SLC4A3: variants seen among roughly 807,000 people sequenced by gnomAD.
SLC4A3 encodes solute carrier family 4 member 3, also known as anion exchange protein 3.
A neutral mutation model predicts 114.2 loss-of-function variants in SLC4A3; 47 were observed. The ratio of observed to expected loss-of-function variants is 0.41; its 90% CI spans 0.33 to 0.52. The LOEUF is 0.52. Among genes scored for constraint, SLC4A3 ranks in the 20% least tolerant of loss-of-function variants. SLC4A3 has a pLI of 0.21. For synonymous variants in SLC4A3, 693 were observed against 710.3 expected (o/e 0.98, Z 0.39); for missense variants, 1,312 against 1,668.3 (o/e 0.79, Z 3.72).
At position 219,628,383 on chromosome 2, in the gene SLC4A3, C is replaced by A; in HGVS notation, c.52-22C>A. 6.3e-7 allele frequency: 1 copy of A among 1,595,490 alleles called. No individual in the cohort carries two copies. Among genetic ancestry groups the A allele is most frequent in the Non-Finnish European group, 8.5e-7 (1 of 1,172,462 alleles). ...GCCTTCATGGGTCAGGGGTCCTTAG[C>A]AGAGGCCGTCTGGGCCTGCAGGTCC... On this transcript the variant is annotated intron_variant, in intron 2 of 22. Transcript: ENST00000358055. The surrounding 1 kb of genome is among the most constrained non-coding windows in gnomAD (Gnocchi z 4.8).
In SLC4A3 at chr2:219,636,782, C is replaced by T; in HGVS notation, c.2443C>T (p.Leu815=). 6.2e-7 allele frequency: 1 copy of T among 1,614,118 alleles called. No homozygotes were observed. Among genetic ancestry groups the T allele is most frequent in the Non-Finnish European group, 8.5e-7 (1 of 1,179,980 alleles). The stretch of plus-strand genomic sequence containing the variant: ...CCTGGTGGCCGCCGAAGGCAGCTTC[C>T]TGGTCCGCTACATCTCGCCTTTCAC... The part of the protein sequence containing the change: ...LALVAAEGSF[L]VRYISPFTQE... The change falls in exon 16 of 23, where the codon CTG becomes TTG. Residue 815 remains leucine, a synonymous_variant. Transcript: ENST00000358055. This position sits in a 1 kb window ranked among gnomAD's most constrained non-coding sequence, Gnocchi z 5.5.
At position 219,641,076 on chromosome 2, in the gene SLC4A3, G is replaced by GCAACA; in HGVS notation, c.3621+117_3621+118insCACAA. On this transcript the variant is annotated intron_variant, in intron 22 of 22. Coordinates refer to ENST00000358055, the MANE Select transcript of SLC4A3 (RefSeq NM_005070.4). The surrounding 1 kb of genome is among the most constrained non-coding windows in gnomAD (Gnocchi z 4.0). ...TTGTGAAACTTGTGTAACTTGTGTT[G>GCAACA]CAAGTTATCTCACCTTCCGAAATCT... is the stretch of plus-strand genomic sequence containing the variant. 3.0e-6 allele frequency: 3 copies of GCAACA among 997,282 alleles called. No individual in the cohort carries two copies. Among genetic ancestry groups the GCAACA allele is most frequent in the Non-Finnish European group, 3.0e-6 (2 of 675,850 alleles). The allele number at this position is 997,282 out of a possible 1,614,324, so 61.8% of individuals were successfully genotyped here.
rs1267510154 is a variant in SLC4A3, at chr2:219,628,829, C to T, written c.217+259C>T. 3.4e-6 allele frequency: 2 copies of T among 586,970 alleles called. No homozygotes were observed. Among genetic ancestry groups the T allele is most frequent in the Non-Finnish European group, 5.9e-6 (2 of 336,758 alleles). The allele number at this position is 586,970 out of a possible 1,614,324, so 36.4% of individuals were successfully genotyped here. On this transcript the variant is annotated intron_variant, in intron 3 of 22. Transcript: ENST00000358055. This position sits in a 1 kb window ranked among gnomAD's most constrained non-coding sequence, Gnocchi z 4.8. ...CTGGGCCCTTCCACGGTGACCTTCC[C>T]CTTCCCCTTCGTCCCCACTCACTCC... is the stretch of plus-strand genomic sequence containing the variant.
In SLC4A3 at chr2:219,628,182, G is replaced by A; in HGVS notation, c.51+139G>A. 1 of 821,830 alleles carries A rather than the reference G, an allele frequency of 1.2e-6. No individual in the cohort carries two copies. Among genetic ancestry groups the A allele is most frequent in the Admixed American group, 3.0e-5 (1 of 32,858 alleles). The allele number at this position is 821,830 out of a possible 1,614,324, so 50.9% of individuals were successfully genotyped here. A position where few individuals can be genotyped will look rare whatever the true frequency, so the allele number is the denominator to read the frequency against. ...CTGGGCTGGGGGTTACGGAGAAAGA[G>A]GGGGGTTTTTGATATTTTCCAGATC... On this transcript the variant is annotated intron_variant, in intron 2 of 22. Transcript: ENST00000358055. The surrounding 1 kb of genome is among the most constrained non-coding windows in gnomAD (Gnocchi z 4.8).
At position 219,640,852 on chromosome 2, in the gene SLC4A3, G is replaced by T. The variant is rs765593565; in HGVS notation, c.3511G>T (p.Val1171Leu). ...IQLGCIALLW[V>L]VKSTAASLAF... ...GCTGGGCTGCATCGCACTGCTCTGG[G>T]TGGTCAAGTCCACGGCGGCCTCACT... The change falls in exon 22 of 23, where the codon GTG becomes TTG. Residue 1171 changes from valine (V) to leucine (L), a missense_variant. By Grantham distance (32) the Val-to-Leu change is conservative (BLOSUM62 1). Around this residue, in one of 4 missense-constraint regions of SLC4A3, gnomAD observed 301 missense variants for 460.7 expected, o/e 0.65. Coordinates refer to ENST00000358055, the MANE Select transcript of SLC4A3 (RefSeq NM_005070.4). 6.2e-7 allele frequency: 1 copy of T among 1,612,674 alleles called. No homozygotes were observed. Among genetic ancestry groups the T allele is most frequent in the South Asian group, 1.1e-5 (1 of 91,054 alleles).
In SLC4A3 at chr2:219,630,163, C is replaced by CCCCGGG. The variant is rs756617423; in HGVS notation, c.631_636dup (p.Arg211_Ala212dup). ...GTGTTGCCTCCCCAGCTCCCCCAGC[C>CCCCGGG]CCCGGGCCCGGGCCTCCCGACTCGC... On this transcript the variant is annotated inframe_insertion, in exon 6 of 23. Transcript: ENST00000358055. This position sits in a 1 kb window ranked among gnomAD's most constrained non-coding sequence, Gnocchi z 6.9. The CCCCGGG allele has an allele frequency of 2.5e-6, 4 of 1,612,670 alleles. No homozygotes were observed. Among genetic ancestry groups the CCCCGGG allele is most frequent in the Non-Finnish European group, 3.4e-6 (4 of 1,179,524 alleles).
In SLC4A3 at chr2:219,633,870, G is replaced by T; in HGVS notation, c.1462-10G>T. 6.4e-7 allele frequency: 1 copy of T among 1,553,894 alleles called. No individual in the cohort carries two copies. The highest frequency in any genetic ancestry group is 2.4e-5 in the East Asian group (1 of 41,230). On this transcript the variant is annotated splice_polypyrimidine_tract_variant and intron_variant, in intron 10 of 22. Coordinates refer to ENST00000358055, the MANE Select transcript of SLC4A3 (RefSeq NM_005070.4). The stretch of plus-strand genomic sequence containing the variant: ...TGGGTCCCAGCCCTATTCCAGTTCT[G>T]CGTCCTCAGAAGCCCCTCCACATGC...
chr2:219,629,766 C>T, intron 5 of SLC4A3, 71 bp downstream of exon 5: 1 of 1,059,876 alleles, frequency 9.4e-7, no homozygotes, highest in Non-Finnish European at 1.4e-6. Flanking sequence ...TGGCAGTCAC[C>T]TCCTTCCTGA....
In SLC4A3 at chr2:219,633,411, TG is replaced by T; in HGVS notation, c.1420del (p.Glu474SerfsTer30). On this transcript the variant is annotated frameshift_variant, in exon 10 of 23. Coordinates refer to ENST00000358055, the MANE Select transcript of SLC4A3 (RefSeq NM_005070.4). LOFTEE classifies it high-confidence loss of function. Reference protein sequence around the residue: ...DGAVPTMADDLGEPAPLWPHD... With the variant: ...DGAVPTMADDXGEPAPLWPHD... ...GCGGTGCCTACCATGGCTGATGACC[TG>T]GGGGAGCCAGCCCCACTCTGGCCAC... The T allele has an allele frequency of 6.3e-7, 1 of 1,575,252 alleles. No individual in the cohort carries two copies.
At position 219,634,530 on chromosome 2, in the gene SLC4A3, A is replaced by G; in HGVS notation, c.1672A>G (p.Met558Val). Residue 558 changes from methionine (M) to valine (V), a missense_variant, in exon 12 of 23, where the codon ATG becomes GTG. Physicochemically the swap from Met to Val is conservative, Grantham distance 21 (BLOSUM62 1). Coordinates refer to ENST00000358055, the MANE Select transcript of SLC4A3 (RefSeq NM_005070.4). ...VPVPVRFLFV[M>V]LGPSHTSTDY... ...TGTCCCGGTCCGCTTCCTCTTCGTG[A>G]TGCTGGGGCCCAGCCACACCAGCAC... The G allele has an allele frequency of 6.2e-7, 1 of 1,614,150 alleles. No homozygotes were observed. The highest frequency in any genetic ancestry group is 8.5e-7 in the Non-Finnish European group (1 of 1,180,042).
Position 219,637,447 on chromosome 2 carries a change from G to C in SLC4A3, c.2536-134G>C. On this transcript the variant is annotated intron_variant, in intron 16 of 22. Coordinates refer to ENST00000358055, the MANE Select transcript of SLC4A3 (RefSeq NM_005070.4). This position sits in a 1 kb window ranked among gnomAD's most constrained non-coding sequence, Gnocchi z 4.6. ...TTCTGTGTGTTGTGTGTGTGGTGCA[G>C]CTGGATGTCCGTGCATTACTGTTGT... The C allele has an allele frequency of 1.7e-6, 1 of 603,732 alleles. No homozygotes were observed. Among genetic ancestry groups the C allele is most frequent in the Non-Finnish European group, 3.0e-6 (1 of 333,704 alleles). The allele number at this position is 603,732 out of a possible 1,614,324, so 37.4% of individuals were successfully genotyped here.
intron 1 of SLC4A3, 57 bp from the exon 2 acceptor site, chr2:219,627,843 C>T: frequency 4.9e-6 from 3 of 609,960 alleles, no homozygotes; most frequent in South Asian, 4.2e-5. Flanking sequence ...AGCGTGCATC[C>T]GGCTCCCGGG....
chr2:219,633,418 GC>G lies in SLC4A3; in HGVS notation c.1424del (p.Pro475GlnfsTer29). 1 of 1,573,512 alleles carries G rather than the reference GC, an allele frequency of 6.4e-7. No individual in the cohort carries two copies. On this transcript the variant is annotated frameshift_variant, in exon 10 of 23. Transcript: ENST00000358055. LOFTEE classifies it high-confidence loss of function. The stretch of plus-strand genomic sequence containing the variant: ...CTACCATGGCTGATGACCTGGGGGA[GC>G]CAGCCCCACTCTGGCCACATGACCC... ...VPTMADDLGE[P>X]APLWPHDPDA...
chr2:219,636,168 A>G lies in SLC4A3; in HGVS notation c.2192-134A>G. ...GGGGAGGGTTTGGGAGCAATGGGGT[A>G]TGGAAGGGGCCCTGTGTGTCACTCT... On this transcript the variant is annotated intron_variant, in intron 14 of 22. Transcript: ENST00000358055. The surrounding 1 kb of genome is among the most constrained non-coding windows in gnomAD (Gnocchi z 5.5). 1 of 1,009,324 alleles carries G rather than the reference A, an allele frequency of 9.9e-7. No individual in the cohort carries two copies. Among genetic ancestry groups the G allele is most frequent in the South Asian group, 1.5e-5 (1 of 68,028 alleles). The allele number at this position is 1,009,324 out of a possible 1,614,324, so 62.5% of individuals were successfully genotyped here.
In SLC4A3 at chr2:219,636,749, G is replaced by A. The variant is rs755460816; in HGVS notation, c.2410G>A (p.Val804Ile). Residue 804 changes from valine to isoleucine, a missense_variant, in exon 16 of 23, where the codon GTC (valine) becomes ATC (isoleucine). Val to Ile is a conservative substitution (Grantham distance 29, BLOSUM62 3). Around this residue, in one of 4 missense-constraint regions of SLC4A3, gnomAD observed 771 missense variants for 977.7 expected, o/e 0.79. Transcript: ENST00000358055. The surrounding 1 kb of genome is among the most constrained non-coding windows in gnomAD (Gnocchi z 5.5). ...GGTTGGTCTCTGGCTGGTGGTCTTC[G>A]TCCTTGCCCTGGTGGCCGCCGAAGG... ...VWVGLWLVVF[V>I]LALVAAEGSF... 2.4e-5 allele frequency: 38 copies of A among 1,613,938 alleles called. No individual in the cohort carries two copies. The East Asian group carries it at 6.2e-4, about 26-fold the overall frequency.
At position 219,628,109 on chromosome 2, in the gene SLC4A3, A is replaced by C; in HGVS notation, c.51+66A>C. On this transcript the variant is annotated intron_variant, in intron 2 of 22. Transcript: ENST00000358055. This position sits in a 1 kb window ranked among gnomAD's most constrained non-coding sequence, Gnocchi z 4.8. ...AGAGGGGAGGGACCTTAGGGTGGGCAGAGGAGTCCTCTGGCCGACCCCGGG... is the reference window on the plus strand; with the variant it reads ...AGAGGGGAGGGACCTTAGGGTGGGCCGAGGAGTCCTCTGGCCGACCCCGGG... 1 of 1,323,792 alleles carries C rather than the reference A, an allele frequency of 7.6e-7. No individual in the cohort carries two copies. Among genetic ancestry groups the C allele is most frequent in the South Asian group, 1.5e-5 (1 of 66,506 alleles). The allele number at this position is 1,323,792 out of a possible 1,614,324, so 82.0% of individuals were successfully genotyped here.
In SLC4A3 at chr2:219,628,401, G is replaced by A. The variant is rs766364704; in HGVS notation, c.52-4G>A. 18 of 1,607,836 alleles carry A rather than the reference G, an allele frequency of 1.1e-5. 1 individual carries two copies. The South Asian group carries it at 1.9e-4, about 17-fold the overall frequency. On this transcript the variant is annotated splice_polypyrimidine_tract_variant and splice_region_variant and intron_variant, in intron 2 of 22. Transcript: ENST00000358055. This position sits in a 1 kb window ranked among gnomAD's most constrained non-coding sequence, Gnocchi z 4.8. ...TCCTTAGCAGAGGCCGTCTGGGCCT[G>A]CAGGTCCGGGTGCCCTTGGAGGAGC...
intron 9 of SLC4A3, 58 bp downstream of exon 9, chr2:219,633,067 C>G (rs1698991820): frequency 6.3e-7 from 1 of 1,589,886 alleles, no homozygotes; most frequent in Non-Finnish European, 8.6e-7. Context: ...TCCAGGAGCA[C>G]ATCCTCTTCC....
chr2:219,628,057 G>A lies in SLC4A3; in HGVS notation c.51+14G>A, dbSNP rs893390111. 1 of 1,546,368 alleles carries A rather than the reference G, an allele frequency of 6.5e-7. No homozygotes were observed. ...CCCCTACCCCAGGTGATCGGCGCGCGCGGGGGCGGGGGAGAGATGGGGGAG... is the reference window on the plus strand; with the variant it reads ...CCCCTACCCCAGGTGATCGGCGCGCACGGGGGCGGGGGAGAGATGGGGGAG... On this transcript the variant is annotated intron_variant, in intron 2 of 22. Coordinates refer to ENST00000358055, the MANE Select transcript of SLC4A3 (RefSeq NM_005070.4). The surrounding 1 kb of genome is among the most constrained non-coding windows in gnomAD (Gnocchi z 4.8).
Sources: gnomAD v4.1 joint callset for allele counts on GRCh38, gnomAD v4.1.1 for gene constraint, gnomAD v4.1.1 regional missense constraint, Gnocchi (gnomAD v3.1) non-coding constraint, MANE v1.5 for transcripts, NCBI Gene and HGNC (gene_info 2026-07-23, HGNC 2026-07-21) for gene names.